Variants in EFCC1 observed in about 807,000 individuals in gnomAD.
EFCC1 encodes the protein EF-hand and coiled-coil domain-containing protein 1.
EFCC1 carries 50 observed loss-of-function variants against 52.1 expected under a neutral mutation model. That is an observed-to-expected ratio of 0.96 (90% CI 0.76 to 1.21). The LOEUF (loss-of-function observed/expected upper bound fraction) is 1.21. Ranked by LOEUF, EFCC1 falls within the 50% of genes most tolerant of loss-of-function variation. The pLI, the probability that EFCC1 is intolerant of heterozygous loss-of-function variation, is 0.00. For synonymous variants in EFCC1, 399 were observed against 396.5 expected, an observed-to-expected ratio of 1.01 and a Z score of -0.08; for missense variants, 837 against 867.3, an observed-to-expected ratio of 0.97 and a Z score of 0.44.
intron 4 of EFCC1, among the ~76,000 whole-genome samples, chr3:129,033,426 C>T (rs1051305175): frequency 5.3e-5 from 8 of 152,186 alleles, no homozygotes; most frequent in African/African-American, 7.2e-5. Flanking sequence ...CTGGCTTCTC[C>T]GAACCTCAGT....
intron 2 of EFCC1, among the ~76,000 whole-genome samples, chr3:129,018,657 T>C (rs967330690): frequency 5.3e-5 from 8 of 152,192 alleles, no homozygotes; most frequent in African/African-American, 1.2e-4. Flanking sequence ...GGATTCCTCA[T>C]GTATTCTGAG....
chr3:129,031,163 C>T (rs1388890975), intron 3 of EFCC1, among the ~76,000 whole-genome samples: 1 of 152,234 alleles, frequency 6.6e-6, no homozygotes, highest in African/African-American at 2.4e-5. Flanking sequence ...GATGTGGTAG[C>T]TCACGCCTGT....
At chr3:129,038,932 C>A in intron 7 of EFCC1, 32 bp downstream of exon 7, 1 of 1,594,662 alleles carries the variant, frequency 6.3e-7, no homozygotes, top group Non-Finnish European at 8.6e-7. Flanking sequence ...TCAGAGCCCA[C>A]GCAGTGGCTG....
chr3:129,004,753 G>C (rs1944993939), intron 2 of EFCC1, among the ~76,000 whole-genome samples: 1 of 152,124 alleles, frequency 6.6e-6, no homozygotes, highest in South Asian at 2.1e-4. Context: ...CAGCTGCCCT[G>C]TGAGGTGGGT....
At position 129,032,860 on chromosome 3, in the gene EFCC1, G is replaced by A. The variant is rs758683766; in HGVS notation, c.1180G>A (p.Ala394Thr). 24 of 1,551,376 alleles carry A rather than the reference G, an allele frequency of 1.5e-5. No individual in the cohort carries two copies. The highest frequency in any genetic ancestry group is 1.7e-5 in the Non-Finnish European group (20 of 1,146,922). ...QLFRSVEGQA[A>T]SDEEEVEEER... is the part of the protein sequence containing the mutation. ...GTTCCGCTCCGTGGAGGGCCAGGCC[G>A]CCTCTGACGAGGAGGAGGTGGAGGA... The change falls in exon 4 of 8, where the codon GCC becomes ACC. Residue 394 changes from alanine to threonine, a missense_variant. Physicochemically the swap from Ala to Thr is moderately conservative, Grantham distance 58 (BLOSUM62 0). Transcript: ENST00000683648.
At chr3:129,005,355 G>T (rs1198866725) in intron 2 of EFCC1, among the ~76,000 whole-genome samples, 1 of 152,260 alleles carries the variant, frequency 6.6e-6, no homozygotes, top group Non-Finnish European at 1.5e-5. Context: ...GAACAGTACG[G>T]GCAAAGCCCT....
rs1445163246 is a variant in EFCC1 at position 129,032,877 on chromosome 3, G to C, written c.1197G>C (p.Glu399Asp). The C allele has an allele frequency of 6.4e-7, 1 of 1,551,522 alleles. No individual in the cohort carries two copies. Among genetic ancestry groups the C allele is most frequent in the Non-Finnish European group, 8.7e-7 (1 of 1,146,944 alleles). ...GCCAGGCCGCCTCTGACGAGGAGGA[G>C]GTGGAGGAGGAGAGGTGGCAGGAGG... Reference protein sequence around the residue: ...VEGQAASDEEEVEEERWQEEK... With the variant: ...VEGQAASDEEDVEEERWQEEK... The change falls in exon 4 of 8, where the codon GAG becomes GAC. Residue 399 changes from glutamate (E) to aspartate (D), a missense_variant. Coordinates refer to ENST00000683648, the MANE Select transcript of EFCC1 (RefSeq NM_001377500.1).
At chr3:129,038,751 G>A (rs746502865) in intron 6 of EFCC1, 80 bp from the exon 7 acceptor site, 56 of 1,447,420 alleles carry the variant, frequency 3.9e-5, no homozygotes, top group Non-Finnish European at 5.0e-5. Flanking sequence ...CTAGAAGCCC[G>A]TAGGGGCCAC....
At chr3:129,029,460 G>A (rs1946222916) in intron 2 of EFCC1, among the ~76,000 whole-genome samples, 1 of 152,160 alleles carries the variant, frequency 6.6e-6, no homozygotes, top group Admixed American at 6.5e-5. Context: ...AACTAGTTGG[G>A]TGTGGTGACT....
intron 2 of EFCC1, among the ~76,000 whole-genome samples, chr3:129,017,470 A>T (rs1303870494): frequency 6.6e-6 from 1 of 152,094 alleles, no homozygotes; most frequent in African/African-American, 2.4e-5. Context: ...AAAGCAAGGC[A>T]CCCTTGGCCG....
intron 4 of EFCC1, 59 bp from the exon 5 acceptor site, chr3:129,034,105 G>A: frequency 4.4e-6 from 7 of 1,606,084 alleles, no homozygotes; most frequent in African/African-American, 1.3e-5. Flanking sequence ...CTCCAAGGCT[G>A]GACAGAGCGG....
intron 2 of EFCC1, among the ~76,000 whole-genome samples, chr3:129,006,955 C>T (rs1945101968): frequency 6.6e-6 from 1 of 152,170 alleles, no homozygotes. Flanking sequence ...CAACTGCATA[C>T]CAGGCACTTT....
rs1944940172 is a variant in EFCC1, at chr3:129,004,023, T to C, written c.926T>C (p.Val309Ala). 6.6e-7 allele frequency: 1 copy of C among 1,509,472 alleles called. No individual in the cohort carries two copies. Among genetic ancestry groups the C allele is most frequent in the East Asian group, 2.7e-5 (1 of 36,794 alleles). 93.5% of individuals were successfully genotyped at this position (1,509,472 alleles called of 1,614,324 possible). ...GAGCTGGAGGCGCTGGCGCAACAGG[T>C]GCCCGGCTTGCAGCGCTGGGTGCGG... ...VRELEALAQQ[V>A]PGLQRWVRRL... The change falls in exon 2 of 8, where the codon GTG (valine) becomes GCG (alanine). Residue 309 changes from valine (V) to alanine (A), a missense_variant. Physicochemically the swap from Val to Ala is moderately conservative, Grantham distance 64. Transcript: ENST00000683648.
intron 2 of EFCC1, among the ~76,000 whole-genome samples, chr3:129,026,229 A>T (rs1946101505): frequency 1.3e-5 from 2 of 152,238 alleles, no homozygotes; most frequent in Non-Finnish European, 2.9e-5. Context: ...TGCAAGTGCT[A>T]GGAGGTGGAG....
chr3:129,033,166 C>T (rs1441270524), intron 4 of EFCC1, among the ~76,000 whole-genome samples, 200 bp downstream of exon 4: 4 of 152,192 alleles, frequency 2.6e-5, no homozygotes, highest in African/African-American at 7.2e-5. Context: ...TTCCAGGGCA[C>T]ATCTCGTGGC....
chr3:129,016,277 G>C (rs1945578375), intron 2 of EFCC1, among the ~76,000 whole-genome samples: 1 of 152,230 alleles, frequency 6.6e-6, no homozygotes, highest in South Asian at 2.1e-4. Context: ...TATCCTGGCT[G>C]GTCTGGGTGG....
chr3:129,027,862 G>T (rs1406231509), intron 2 of EFCC1, among the ~76,000 whole-genome samples: 1 of 152,048 alleles, frequency 6.6e-6, no homozygotes, highest in East Asian at 1.9e-4. Context: ...GCTGAGACAT[G>T]ACAATCGCTT....
In EFCC1 at chr3:129,002,928, T is replaced by C. The variant is rs1052956529; in HGVS notation, c.696+604T>C. 3.3e-5 allele frequency among the ~76,000 whole-genome samples: 5 copies of C among 152,242 alleles called. No homozygotes were observed. The East Asian group carries it at 7.7e-4, about 24-fold the overall frequency. On this transcript the variant is annotated intron_variant, in intron 1 of 7. Transcript: ENST00000683648. Reference sequence around the variant, plus strand: ...CGGGAACCAGACCCGCTCTGGGCTATTGAGAAGAAACCATGGGGTGAGATA... The same window carrying C: ...CGGGAACCAGACCCGCTCTGGGCTACTGAGAAGAAACCATGGGGTGAGATA...
Position 129,038,784 on chromosome 3 carries a change from G to T in EFCC1, c.1594-47G>T, listed in dbSNP as rs747319412. On this transcript the variant is annotated intron_variant, in intron 6 of 7. Transcript: ENST00000683648. ...CACCAGTTCCCATCGGCTGAACAGGGACACAGCAACCAGTCTAATCCAGCC... is the reference window on the plus strand; with the variant it reads ...CACCAGTTCCCATCGGCTGAACAGGTACACAGCAACCAGTCTAATCCAGCC... 6 of 1,594,278 alleles carry T rather than the reference G, an allele frequency of 3.8e-6. No homozygotes were observed. The Admixed American group carries it at 1.0e-4, about 27-fold the overall frequency.
Sources: gnomAD v4.1 joint callset for allele counts (sites outside exome capture counted in the v4.1 genomes callset) on GRCh38, gnomAD v4.1.1 for gene constraint, MANE v1.5 for transcripts, NCBI Gene and HGNC (gene_info 2026-07-23, HGNC 2026-07-21) for gene names.